Variants in POLR2B observed in about 807,000 individuals in gnomAD.
POLR2B encodes DNA-directed RNA polymerase II subunit RPB2.
In POLR2B, 57 loss-of-function variants were observed where a neutral mutation model predicts 144.6. The observed-to-expected ratio is 0.39, with a 90% CI of 0.32 to 0.49. The LOEUF is 0.49. Among genes scored for constraint, POLR2B ranks in the 20% least tolerant of loss-of-function variants. The pLI is 0.83. For missense variants in POLR2B, 595 were observed against 1,467.4 expected, an observed-to-expected ratio of 0.41 and a Z score of 9.71; for synonymous variants, 442 against 469.8, an observed-to-expected ratio of 0.94 and a Z score of 0.77.
At chr4:56,994,339 G>T in intron 3 of POLR2B, 65 bp from the exon 4 acceptor site, 2 of 790,272 alleles carry the variant, frequency 2.5e-6, no homozygotes, top group African/African-American at 1.7e-5. Flanking sequence ...CAATTAAAAT[G>T]GAATCACTAA....
chr4:57,025,644 C>T (rs1446466752), intron 23 of POLR2B, 107 bp downstream of exon 23: 2 of 683,744 alleles, frequency 2.9e-6, no homozygotes, highest in Non-Finnish European at 5.0e-6. Context: ...GTGCCTGTTA[C>T]CCCCATTTCA....
Position 57,010,383 on chromosome 4 carries a change from C to T in POLR2B, c.1427C>T (p.Ala476Val), listed in dbSNP as rs1343094502. The change falls in exon 11 of 25, where the codon GCG becomes GTG. Residue 476 changes from alanine (A) to valine (V), a missense_variant. Coordinates refer to ENST00000314595, the MANE Select transcript of POLR2B (RefSeq NM_000938.3). The stretch of plus-strand genomic sequence containing the variant: ...TAGGTGTTAAACCGCCTGACTTTTG[C>T]GTCTACTCTTTCTCACCTGCGTCGT... ...VSQVLNRLTF[A>V]STLSHLRRLN... The T allele has an allele frequency of 8.1e-6, 13 of 1,613,528 alleles. No homozygotes were observed. The highest frequency in any genetic ancestry group is 1.1e-5 in the Non-Finnish European group (13 of 1,179,852).
At chr4:57,028,551 G>T (rs1608165) in intron 23 of POLR2B, among the ~76,000 whole-genome samples, 1 of 152,082 alleles carries the variant, frequency 6.6e-6, no homozygotes, top group African/African-American at 2.4e-5. Context: ...AAGTAAAACT[G>T]GCTTTTCTCC....
chr4:57,024,618 A>G (rs915283445), intron 21 of POLR2B, among the ~76,000 whole-genome samples: 1 of 152,098 alleles, frequency 6.6e-6, no homozygotes, highest in Non-Finnish European at 1.5e-5. Context: ...ATCGACTTCT[A>G]TTTGAATACT....
intron 9 of POLR2B, among the ~76,000 whole-genome samples, chr4:57,006,112 A>G (rs1723010714): frequency 6.6e-6 from 1 of 152,196 alleles, no homozygotes; most frequent in African/African-American, 2.4e-5. Flanking sequence ...TGCAGTTTTT[A>G]ATTTTATTCT....
chr4:56,986,460 G>C (rs1448413413), intron 2 of POLR2B, 34 bp downstream of exon 2: 1 of 1,348,794 alleles, frequency 7.4e-7, no homozygotes, highest in South Asian at 1.2e-5. Flanking sequence ...AGCCTGAAAA[G>C]GCACTTTAGA....
intron 10 of POLR2B, among the ~76,000 whole-genome samples, chr4:57,007,341 G>T (rs1723053367): frequency 6.6e-6 from 1 of 152,248 alleles, no homozygotes; most frequent in African/African-American, 2.4e-5. Context: ...CTTGTACCTG[G>T]GAGGTGGAGG....
chr4:57,003,632 C>T (rs1722920466), intron 7 of POLR2B, among the ~76,000 whole-genome samples: 1 of 151,900 alleles, frequency 6.6e-6, no homozygotes, highest in Non-Finnish European at 1.5e-5. Context: ...ATGGGTAGAT[C>T]GTTTGAGGCC....
At position 57,024,890 on chromosome 4, in the gene POLR2B, C is replaced by T. The variant is rs1723666222; in HGVS notation, c.2969C>T (p.Ser990Leu). The change falls in exon 22 of 25, where the codon TCG becomes TTG. Residue 990 changes from serine (S) to leucine (L), a missense_variant. By Grantham distance (145) the Ser-to-Leu change is moderately radical (BLOSUM62 -2). Around this residue, in one of 9 missense-constraint regions of POLR2B, gnomAD observed 65 missense variants for 282.8 expected, o/e 0.23. Transcript: ENST00000314595. ...GAGTACTTTTTTTTTTAAAAGGTAT[C>T]GGCTAACAAGGGTGAAATTGGTGAT... is the stretch of plus-strand genomic sequence containing the variant. ...HLIECLQGKV[S>L]ANKGEIGDAT... is the part of the protein sequence containing the mutation. The T allele has an allele frequency of 6.5e-7, 1 of 1,532,782 alleles. No individual in the cohort carries two copies. 94.9% of individuals were successfully genotyped at this position (1,532,782 alleles called of 1,614,324 possible). A position where few individuals can be genotyped will look rare whatever the true frequency, so the allele number is the denominator to read the frequency against.
chr4:57,014,911 G>A (rs1326754393), intron 13 of POLR2B, among the ~76,000 whole-genome samples: 2 of 151,722 alleles, frequency 1.3e-5, no homozygotes, highest in Non-Finnish European at 2.9e-5. Flanking sequence ...TTTCTGGTTT[G>A]GTGCTGTCTT....
At position 57,023,277 on chromosome 4, in the gene POLR2B, G is replaced by GT. The variant is rs1218228363; in HGVS notation, c.2516-48dup. On this transcript the variant is annotated intron_variant, in intron 18 of 24. Transcript: ENST00000314595. The surrounding 1 kb of genome is among the most constrained non-coding windows in gnomAD (Gnocchi z 4.3). ...GACTTGGAACTGATTCATGTATGTG[G>GT]TTTTTAATCTTTGTTGGGGATTATG... The GT allele has an allele frequency of 1.9e-6, 3 of 1,595,180 alleles. No homozygotes were observed. Among genetic ancestry groups the GT allele is most frequent in the Non-Finnish European group, 2.6e-6 (3 of 1,167,288 alleles).
chr4:57,030,029 A>T (rs1723861754), intron 23 of POLR2B, among the ~76,000 whole-genome samples, 175 bp from the exon 24 acceptor site: 1 of 152,194 alleles, frequency 6.6e-6, no homozygotes, highest in Non-Finnish European at 1.5e-5. Context: ...TTTCTAATGC[A>T]CGTCAAATAG....
intron 7 of POLR2B, among the ~76,000 whole-genome samples, chr4:57,002,503 CATT>C (rs1200143881): frequency 1.3e-5 from 2 of 151,964 alleles, no homozygotes; most frequent in Non-Finnish European, 2.9e-5. Context: ...TCCAAAAGTA[CATT>C]ATTGTTATTC....
At chr4:56,998,944 A>C (rs1475132088) in intron 6 of POLR2B, among the ~76,000 whole-genome samples, 1 of 152,212 alleles carries the variant, frequency 6.6e-6, no homozygotes, top group Non-Finnish European at 1.5e-5. Context: ...TTATGAGGCC[A>C]AGGGAAGATA....
intron 2 of POLR2B, among the ~76,000 whole-genome samples, chr4:56,990,039 G>A (rs1205932406): frequency 3.3e-5 from 5 of 152,108 alleles, no homozygotes; most frequent in African/African-American, 1.2e-4. Flanking sequence ...ATTCAAAATA[G>A]AACTAATGAT....
intron 1 of POLR2B, 116 bp downstream of exon 1, chr4:56,979,120 C>T (rs1578548816): frequency 9.4e-7 from 1 of 1,064,836 alleles, no homozygotes; most frequent in East Asian, 2.4e-5. Context: ...AGTCCCCAGC[C>T]TTGTTCCCAC....
chr4:57,017,435 T>C lies in POLR2B; in HGVS notation c.2155-125T>C. ...CGTAATTGATTATTCCAAATGGTTATTACTTACTGTTTTTGAAAAAAATCA... is the reference window on the plus strand; with the variant it reads ...CGTAATTGATTATTCCAAATGGTTACTACTTACTGTTTTTGAAAAAAATCA... On this transcript the variant is annotated intron_variant, in intron 15 of 24. Coordinates refer to ENST00000314595, the MANE Select transcript of POLR2B (RefSeq NM_000938.3). This position sits in a 1 kb window ranked among gnomAD's most constrained non-coding sequence, Gnocchi z 4.8. 1.2e-6 allele frequency: 1 copy of C among 841,160 alleles called. No homozygotes were observed. The highest frequency in any genetic ancestry group is 1.9e-6 in the Non-Finnish European group (1 of 540,486). The allele number at this position is 841,160 out of a possible 1,614,324, so 52.1% of individuals were successfully genotyped here. A position where few individuals can be genotyped will look rare whatever the true frequency, so the allele number is the denominator to read the frequency against.
chr4:56,981,209 G>A lies in POLR2B; in HGVS notation c.19+2205G>A, dbSNP rs995076645. Among the ~76,000 whole-genome samples, 5 of 152,004 alleles carry A rather than the reference G, an allele frequency of 3.3e-5. No homozygotes were observed. In the East Asian group the frequency reaches 9.6e-4, roughly 29 times the overall value. On this transcript the variant is annotated intron_variant, in intron 1 of 24. Transcript: ENST00000314595. ...TCCACTTTTAGATTTTGTTTAATGT[G>A]TCCAGGAGATTTTCGTATCAGTACA...
At position 57,011,107 on chromosome 4, in the gene POLR2B, A is replaced by C. The variant is rs1257674254; in HGVS notation, c.1800+7A>C. On this transcript the variant is annotated splice_region_variant and intron_variant, in intron 13 of 24. Transcript: ENST00000314595. ...GGACATCATTGTGTCTGAAGTAAGAATCTTTAGTTAAGAGGGTGTGGACTG... is the reference window on the plus strand; with the variant it reads ...GGACATCATTGTGTCTGAAGTAAGACTCTTTAGTTAAGAGGGTGTGGACTG... 2 of 1,555,728 alleles carry C rather than the reference A, an allele frequency of 1.3e-6. No homozygotes were observed. Among genetic ancestry groups the C allele is most frequent in the African/African-American group, 2.7e-5 (2 of 73,872 alleles).
Sources: gnomAD v4.1 joint callset for allele counts (sites outside exome capture counted in the v4.1 genomes callset) on GRCh38, gnomAD v4.1.1 for gene constraint, gnomAD v4.1.1 regional missense constraint, Gnocchi (gnomAD v3.1) non-coding constraint, MANE v1.5 for transcripts, NCBI Gene and HGNC (gene_info 2026-07-23, HGNC 2026-07-21) for gene names.